The following ADAM23 variants were observed in gnomAD, a reference collection of about 807,000 sequenced individuals.
ADAM23 encodes disintegrin and metalloproteinase domain-containing protein 23.
Under a neutral mutation model 120.1 loss-of-function variants are expected in ADAM23, and 33 were observed. The observed-to-expected ratio is 0.27, with a 90% CI of 0.21 to 0.37. ADAM23 has a LOEUF of 0.37. Among genes scored for constraint, ADAM23 ranks in the 10% least tolerant of loss-of-function variants. The pLI, the probability that ADAM23 is intolerant of heterozygous loss-of-function variation, is 1.00. For missense variants in ADAM23, 862 were observed against 1,058.2 expected, an observed-to-expected ratio of 0.81 and a Z score of 2.57; for synonymous variants, 367 against 375.2, an observed-to-expected ratio of 0.98 and a Z score of 0.25.
intron 18 of ADAM23, among the ~76,000 whole-genome samples, chr2:206,585,715 A>G (rs1698308512): frequency 1.3e-5 from 2 of 152,314 alleles, no homozygotes; most frequent in South Asian, 4.1e-4. Context: ...TAAGGAACAA[A>G]ACATAGAATC....
At chr2:206,611,648 C>T (rs1038209273) in intron 25 of ADAM23, among the ~76,000 whole-genome samples, 1 of 152,176 alleles carries the variant, frequency 6.6e-6, no homozygotes, top group African/African-American at 2.4e-5. Flanking sequence ...GCCGTCTAGC[C>T]ATATGCAATG....
intron 4 of ADAM23, among the ~76,000 whole-genome samples, chr2:206,532,321 G>A (rs1697081005): frequency 4.6e-5 from 7 of 150,958 alleles, no homozygotes. Context: ...AAGGCACTTA[G>A]TTACTTTTTT....
chr2:206,508,614 C>A (rs1234427885), intron 3 of ADAM23, among the ~76,000 whole-genome samples: 4 of 149,330 alleles, frequency 2.7e-5, no homozygotes, highest in Non-Finnish European at 4.4e-5. Context: ...CAAGATCATG[C>A]CACTGCACTC....
rs3841900 is a variant in ADAM23 at position 206,458,630 on chromosome 2, TG to T, written c.432+13109del. Among the ~76,000 whole-genome samples the T allele has an allele frequency of 1.7e-4, 26 of 152,324 alleles. No homozygotes were observed. The East Asian group carries it at 4.4e-3, about 26-fold the overall frequency. On this transcript the variant is annotated intron_variant, in intron 2 of 25. Coordinates refer to ENST00000264377, the MANE Select transcript of ADAM23 (RefSeq NM_003812.4). ...CAGGCTTGGATATTAGGCATTTTAG[TG>T]GGTTGTCAAGGTGAACCATTTGCTT... is the stretch of plus-strand genomic sequence containing the variant.
At chr2:206,561,980 A>G (rs554698133) in intron 12 of ADAM23, among the ~76,000 whole-genome samples, 99 of 152,332 alleles carry the variant, frequency 6.5e-4, no homozygotes, top group African/African-American at 2.3e-3. Flanking sequence ...TTATGTTTCA[A>G]TGTGAGAGCT....
At chr2:206,493,531 C>A (rs1696175684) in intron 3 of ADAM23, among the ~76,000 whole-genome samples, 1 of 152,178 alleles carries the variant, frequency 6.6e-6, no homozygotes, top group Admixed American at 6.5e-5. Context: ...CGCCACCACG[C>A]CCAGCTAATT....
intron 4 of ADAM23, among the ~76,000 whole-genome samples, chr2:206,531,376 T>C (rs530757574): frequency 7.4e-4 from 112 of 152,308 alleles, no homozygotes; most frequent in African/African-American, 2.5e-3. Flanking sequence ...GTACTTTTTC[T>C]CTAACCTTCA....
At chr2:206,600,948 T>C (rs977991064) in intron 24 of ADAM23, among the ~76,000 whole-genome samples, 2 of 152,234 alleles carry the variant, frequency 1.3e-5, no homozygotes, top group Non-Finnish European at 2.9e-5. Flanking sequence ...TTTAATTTTT[T>C]ATATTTTTTA....
intron 18 of ADAM23, among the ~76,000 whole-genome samples, chr2:206,578,169 TTAGTTTTA>T (rs1451223954): frequency 1.8e-5 from 2 of 108,666 alleles, no homozygotes; most frequent in Non-Finnish European, 4.2e-5. Flanking sequence ...TGTGGTTGTG[TTAGTTTTA>T]TTTATTTTTT....
At chr2:206,586,027 G>A (rs564807892) in intron 18 of ADAM23, among the ~76,000 whole-genome samples, 1 of 152,302 alleles carries the variant, frequency 6.6e-6, no homozygotes, top group Non-Finnish European at 1.5e-5. Flanking sequence ...GAGGGAATGA[G>A]CCATGCCGAA....
At chr2:206,554,387 A>G (rs1697597154) in intron 9 of ADAM23, among the ~76,000 whole-genome samples, 1 of 152,210 alleles carries the variant, frequency 6.6e-6, no homozygotes, top group Non-Finnish European at 1.5e-5. Flanking sequence ...TTATTCTAAT[A>G]GAAAATTGGT....
chr2:206,611,887 T>A (rs1698834264), intron 25 of ADAM23, among the ~76,000 whole-genome samples: 1 of 152,178 alleles, frequency 6.6e-6, no homozygotes, highest in South Asian at 2.1e-4. Context: ...AGGTGGGGGA[T>A]CAGCACTTAG....
At chr2:206,566,944 G>A (rs1697896521) in intron 14 of ADAM23, among the ~76,000 whole-genome samples, 1 of 152,032 alleles carries the variant, frequency 6.6e-6, no homozygotes, top group South Asian at 2.1e-4. Context: ...TTTGTAATGA[G>A]CTTTTTAAAA....
At chr2:206,520,612 G>A (rs1224065577) in intron 3 of ADAM23, among the ~76,000 whole-genome samples, 1 of 152,080 alleles carries the variant, frequency 6.6e-6, no homozygotes, top group Non-Finnish European at 1.5e-5. Flanking sequence ...TTCATATGTG[G>A]AGAGGCTGCT....
chr2:206,572,704 T>G (rs1698029163), intron 17 of ADAM23, among the ~76,000 whole-genome samples: 1 of 152,254 alleles, frequency 6.6e-6, no homozygotes, highest in Non-Finnish European at 1.5e-5. Flanking sequence ...CAAAAGAAAG[T>G]TTAATATCTA....
intron 25 of ADAM23, among the ~76,000 whole-genome samples, chr2:206,611,369 G>C (rs1441553964): frequency 6.6e-6 from 1 of 152,102 alleles, no homozygotes; most frequent in East Asian, 1.9e-4. Flanking sequence ...CCCACATAGT[G>C]AGTCACGCAT....
At chr2:206,599,810 C>T (rs749975816) in intron 24 of ADAM23, among the ~76,000 whole-genome samples, 21 of 152,086 alleles carry the variant, frequency 1.4e-4, no homozygotes, top group East Asian at 3.8e-4. Flanking sequence ...GTTGCCTTGC[C>T]GACGAGTAAT....
chr2:206,454,359 A>C (rs904458317), intron 2 of ADAM23, among the ~76,000 whole-genome samples: 1 of 152,166 alleles, frequency 6.6e-6, no homozygotes, highest in African/African-American at 2.4e-5. Flanking sequence ...TGAGAACAGC[A>C]TGGGGCAGTC....
At chr2:206,569,007 C>T (rs879264617) in intron 15 of ADAM23, among the ~76,000 whole-genome samples, 2 of 152,272 alleles carry the variant, frequency 1.3e-5, no homozygotes, top group African/African-American at 4.8e-5. Context: ...GCCTGCCTTT[C>T]ATAACGTTGA....
Sources: gnomAD v4.1 joint callset for allele counts (sites outside exome capture counted in the v4.1 genomes callset) on GRCh38, gnomAD v4.1.1 for gene constraint, MANE v1.5 for transcripts, NCBI Gene and HGNC (gene_info 2026-07-23, HGNC 2026-07-21) for gene names.